CNTNAP2: variants seen among roughly 807,000 people sequenced by gnomAD.
CNTNAP2 encodes the protein contactin associated protein 2, also known as contactin-associated protein-like 2.
Under a neutral mutation model 155.2 loss-of-function variants are expected in CNTNAP2, and 98 were observed. The observed-to-expected ratio is 0.63, with a 90% CI of 0.54 to 0.75. The LOEUF (loss-of-function observed/expected upper bound fraction) is 0.75, where lower values mean the gene tolerates loss of function less well. Among genes scored for constraint, CNTNAP2 ranks in the 30% least tolerant of loss-of-function variants. CNTNAP2 has a pLI of 0.00. For synonymous variants in CNTNAP2, 651 were observed against 631.2 expected, an observed-to-expected ratio of 1.03 and a Z score of -0.47; for missense variants, 1,727 against 1,688.1, an observed-to-expected ratio of 1.02 and a Z score of -0.40.
At chr7:146,550,698 C>A (rs1193696616) in intron 1 of CNTNAP2, among the ~76,000 whole-genome samples, 2 of 151,858 alleles carry the variant, frequency 1.3e-5, no homozygotes, top group African/African-American at 4.8e-5. Flanking sequence ...TATACTAGAC[C>A]AAGAACTTAT....
At chr7:146,948,116 A>T (rs1338583731) in intron 3 of CNTNAP2, among the ~76,000 whole-genome samples, 1 of 152,086 alleles carries the variant, frequency 6.6e-6, no homozygotes, top group African/African-American at 2.4e-5. Flanking sequence ...TTGGATTATC[A>T]AAAAAAGCCA....
chr7:146,476,573 GA>G (rs1350636182), intron 1 of CNTNAP2, among the ~76,000 whole-genome samples: 3 of 152,034 alleles, frequency 2.0e-5, no homozygotes, highest in African/African-American at 4.8e-5. Flanking sequence ...GTTGTACACA[GA>G]AAAATATTTG....
intron 1 of CNTNAP2, among the ~76,000 whole-genome samples, chr7:146,128,812 TATTATA>T (rs1302561446): frequency 3.9e-5 from 6 of 152,120 alleles, no homozygotes; most frequent in African/African-American, 9.6e-5. Flanking sequence ...TACTAAGAAG[TATTATA>T]ATTGTAATAT....
chr7:148,147,329 G>T (rs1805202926), intron 16 of CNTNAP2, among the ~76,000 whole-genome samples, 162 bp from the exon 17 acceptor site: 1 of 152,140 alleles, frequency 6.6e-6, no homozygotes, highest in African/African-American at 2.4e-5. Flanking sequence ...GTTAATGATT[G>T]ACATTTTATC....
intron 23 of CNTNAP2, among the ~76,000 whole-genome samples, chr7:148,414,243 A>AT (rs1250514626): frequency 6.6e-6 from 1 of 151,702 alleles, no homozygotes; most frequent in Non-Finnish European, 1.5e-5. Context: ...TGCCTGGCTG[A>AT]TTTTTGTACT....
chr7:147,129,212 A>G (rs768039725), intron 7 of CNTNAP2, among the ~76,000 whole-genome samples: 1 of 152,144 alleles, frequency 6.6e-6, no homozygotes, highest in Non-Finnish European at 1.5e-5. Flanking sequence ...TTAATTTAAT[A>G]TTTTTAAAGT....
intron 9 of CNTNAP2, among the ~76,000 whole-genome samples, chr7:147,312,831 C>G (rs541936763): frequency 1.6e-5 from 2 of 123,398 alleles, no homozygotes; most frequent in Non-Finnish European, 3.2e-5. Flanking sequence ...CCTGAGGAAT[C>G]GCCACACTGA....
chr7:147,679,344 A>T (rs1417291388), intron 13 of CNTNAP2, among the ~76,000 whole-genome samples: 1 of 151,982 alleles, frequency 6.6e-6, no homozygotes, highest in African/African-American at 2.4e-5. Context: ...CAATCATCTA[A>T]ATAACACTTG....
intron 2 of CNTNAP2, chr7:146,786,892 G>A (rs1381296268): frequency 1.3e-5 from 2 of 152,092 alleles, no homozygotes; most frequent in Non-Finnish European, 2.9e-5. Flanking sequence ...TTTGAACTGC[G>A]GGTCCTTGTC....
In CNTNAP2 at chr7:148,218,760, T is replaced by A. The variant is rs559657021; in HGVS notation, c.3247+1236T>A. Reference sequence around the variant, plus strand: ...CAAACACACATTAAGCCAGAGAGGATCTGAGTGCACCTAAAATTGGCATCC... The same window carrying A: ...CAAACACACATTAAGCCAGAGAGGAACTGAGTGCACCTAAAATTGGCATCC... On this transcript the variant is annotated intron_variant, in intron 19 of 23. Transcript: ENST00000361727. Among the ~76,000 whole-genome samples the A allele has an allele frequency of 3.9e-5, 6 of 152,036 alleles. No individual in the cohort carries two copies. The South Asian group carries it at 1.3e-3, about 32-fold the overall frequency.
intron 13 of CNTNAP2, among the ~76,000 whole-genome samples, chr7:147,762,472 G>A (rs1797317505): frequency 6.6e-6 from 1 of 151,802 alleles, no homozygotes. Flanking sequence ...TGCTGCGGAG[G>A]CAATTAGATG....
At chr7:148,076,422 CTTTTTTTTTTTT>C (rs771048326) in intron 15 of CNTNAP2, among the ~76,000 whole-genome samples, 4 of 49,802 alleles carry the variant, frequency 8.0e-5, no homozygotes, top group East Asian at 1.6e-3. Context: ...GCTCTGACTT[CTTTTTTTTTTTT>C]TTTTTTTTTT....
chr7:146,425,937 G>A (rs1311022763), intron 1 of CNTNAP2, among the ~76,000 whole-genome samples: 1 of 151,922 alleles, frequency 6.6e-6, no homozygotes, highest in East Asian at 1.9e-4. Context: ...TATAATCCCA[G>A]CACTTTGGGA....
At chr7:146,705,970 C>T (rs147441774) in intron 1 of CNTNAP2, among the ~76,000 whole-genome samples, 188 of 152,208 alleles carry the variant, frequency 1.2e-3, no homozygotes, top group African/African-American at 4.4e-3. Flanking sequence ...AACATTCAAA[C>T]CATAGCAGAC....
At chr7:148,326,604 C>A (rs184097438) in intron 21 of CNTNAP2, among the ~76,000 whole-genome samples, 272 of 152,200 alleles carry the variant, frequency 1.8e-3, no homozygotes, top group South Asian at 3.7e-3. Context: ...TGGTGGCTCA[C>A]GCCTGTAATC....
At position 146,438,445 on chromosome 7, in the gene CNTNAP2, A is replaced by G. The variant is rs574736236; in HGVS notation, c.97+321472A>G. On this transcript the variant is annotated intron_variant, in intron 1 of 23. Transcript: ENST00000361727. Reference sequence around the variant, plus strand: ...ACTGTGAAGGTTTACTCTCTACTGGATAAGAGAGTAAGTCTATCTTTGCCC... The same window carrying G: ...ACTGTGAAGGTTTACTCTCTACTGGGTAAGAGAGTAAGTCTATCTTTGCCC... Among the ~76,000 whole-genome samples, 67 of 151,566 alleles carry G rather than the reference A, an allele frequency of 4.4e-4. 2 individuals carry two copies. The East Asian group carries it at 0.011, about 25-fold the overall frequency.
chr7:147,428,186 G>A (rs1478878346), intron 10 of CNTNAP2, among the ~76,000 whole-genome samples: 1 of 152,096 alleles, frequency 6.6e-6, no homozygotes, highest in Admixed American at 6.6e-5. Flanking sequence ...TCTAGCTTCA[G>A]TTTACCTCCT....
intron 14 of CNTNAP2, among the ~76,000 whole-genome samples, chr7:147,956,288 T>G (rs1801015020): frequency 1.2e-5 from 1 of 83,488 alleles, no homozygotes; most frequent in African/African-American, 3.7e-5. Flanking sequence ...TGATTATTTC[T>G]TTGGCAGGGG....
intron 21 of CNTNAP2, among the ~76,000 whole-genome samples, chr7:148,316,258 C>T (rs540504427): frequency 6.6e-6 from 1 of 152,038 alleles, no homozygotes; most frequent in South Asian, 2.1e-4. Flanking sequence ...TTAATGGGTG[C>T]AGCACACCAA....
Sources: gnomAD v4.1 joint callset for allele counts (sites outside exome capture counted in the v4.1 genomes callset) on GRCh38, gnomAD v4.1.1 for gene constraint, MANE v1.5 for transcripts, NCBI Gene and HGNC (gene_info 2026-07-23, HGNC 2026-07-21) for gene names.